CCSER1: variants seen among roughly 807,000 people sequenced by gnomAD.
The protein encoded by CCSER1 is serine-rich coiled-coil domain-containing protein 1.
A neutral mutation model predicts 82.0 loss-of-function variants in CCSER1; 41 were observed. That is an observed-to-expected ratio of 0.50 (90% confidence interval 0.39 to 0.65). The LOEUF (loss-of-function observed/expected upper bound fraction) is 0.65. Among genes scored for constraint, CCSER1 ranks in the 30% least tolerant of loss-of-function variants. The pLI is 0.00. For synonymous variants in CCSER1, 414 were observed against 383.9 expected (o/e 1.08, Z -0.92); for missense variants, 1,119 against 1,064.2 (o/e 1.05, Z -0.72).
At chr4:90,771,370 T>C (rs751786776) in intron 7 of CCSER1, among the ~76,000 whole-genome samples, 3 of 151,788 alleles carry the variant, frequency 2.0e-5, no homozygotes, top group Non-Finnish European at 4.4e-5. Flanking sequence ...GAGGGACCAC[T>C]TTTTAAAATT....
chr4:91,005,944 G>A (rs1246429837), intron 9 of CCSER1, among the ~76,000 whole-genome samples: 3 of 152,096 alleles, frequency 2.0e-5, no homozygotes, highest in Non-Finnish European at 4.4e-5. Context: ...CTGTTTTTAT[G>A]CCAGTATCAT....
At chr4:90,584,189 A>T (rs1306933481) in intron 5 of CCSER1, among the ~76,000 whole-genome samples, 1 of 152,066 alleles carries the variant, frequency 6.6e-6, no homozygotes, top group Non-Finnish European at 1.5e-5. Flanking sequence ...CAAATCATTG[A>T]TCTCAACATA....
At chr4:91,009,744 G>A (rs921207430) in intron 9 of CCSER1, among the ~76,000 whole-genome samples, 6 of 152,000 alleles carry the variant, frequency 3.9e-5, no homozygotes, top group Non-Finnish European at 5.9e-5. Context: ...ATTTTACACT[G>A]ATAACAACTT....
rs56856342 is a variant in CCSER1, at chr4:90,365,482, G to A, written c.1510-34554G>A. 7.9e-3 allele frequency among the ~76,000 whole-genome samples: 1,199 copies of A among 151,712 alleles called. 14 individuals are homozygous for A. Among genetic ancestry groups the A allele is most frequent in the African/African-American group, 0.028 (1,154 of 41,462 alleles). ...GCAGACTTTAAAGATCATAATTTAA[G>A]GAATTCGTGATAATTTTTAAACAAT... On this transcript the variant is annotated intron_variant, in intron 3 of 10. Transcript: ENST00000509176.
chr4:90,468,288 C>T lies in CCSER1; in HGVS notation c.1658C>T (p.Thr553Ile). Residue 553 changes from threonine to isoleucine, a missense_variant, in exon 5 of 11, where the codon ACT (threonine) becomes ATT (isoleucine). By Grantham distance (89) the Thr-to-Ile change is moderately conservative (BLOSUM62 -1). Transcript: ENST00000509176. ...GTCTCATGTGCCGCAGTAGTTCTTA[C>T]TCCTATGGAACCAATGATAGAAATG... ...SVVSCAAVVL[T>I]PMEPMIEMKK... is the part of the protein sequence containing the mutation. 6.2e-7 allele frequency: 1 copy of T among 1,609,094 alleles called. No homozygotes were observed. The highest frequency in any genetic ancestry group is 8.5e-7 in the Non-Finnish European group (1 of 1,176,792).
At chr4:91,219,287 T>C (rs1194924782) in intron 10 of CCSER1, among the ~76,000 whole-genome samples, 1 of 150,044 alleles carries the variant, frequency 6.7e-6, no homozygotes, top group Non-Finnish European at 1.5e-5. Flanking sequence ...TAAAAGTGAA[T>C]AGTCAATATT....
At chr4:90,586,249 C>A (rs1003843891) in intron 5 of CCSER1, among the ~76,000 whole-genome samples, 3 of 151,932 alleles carry the variant, frequency 2.0e-5, no homozygotes, top group African/African-American at 4.8e-5. Flanking sequence ...CTCCATTATA[C>A]CCCCCCACCC....
intron 1 of CCSER1, among the ~76,000 whole-genome samples, chr4:90,247,210 G>T (rs2153438119): frequency 6.6e-6 from 1 of 152,234 alleles, no homozygotes; most frequent in South Asian, 2.1e-4. Flanking sequence ...TTTTTAGATT[G>T]CCATTGGCAG....
At chr4:91,538,550 C>A (rs560192235) in intron 10 of CCSER1, among the ~76,000 whole-genome samples, 1 of 151,644 alleles carries the variant, frequency 6.6e-6, no homozygotes, top group African/African-American at 2.4e-5. Flanking sequence ...TTCAAGACCA[C>A]AGACATAGAG....
chr4:91,225,287 AATATATATGTATATATATTATATATG>A (rs1560528292), intron 10 of CCSER1, among the ~76,000 whole-genome samples: 8 of 42,692 alleles, frequency 1.9e-4, no homozygotes, highest in African/African-American at 1.0e-3. Context: ...TTATATATGT[AATATATATGTATATATATTATATATG>A]TAATATATAT....
In CCSER1 at chr4:91,404,801, T is replaced by G. The variant is rs1316109176; in HGVS notation, c.2218-193771T>G. 2.6e-5 allele frequency among the ~76,000 whole-genome samples: 4 copies of G among 152,130 alleles called. No homozygotes were observed. The East Asian group carries it at 7.7e-4, about 29-fold the overall frequency. On this transcript the variant is annotated intron_variant, in intron 10 of 10. Coordinates refer to ENST00000509176, the MANE Select transcript of CCSER1 (RefSeq NM_001145065.2). Reference sequence around the variant, plus strand: ...CTGTTCTTTTACATTTGCTGAGGAGTGCTTTACTTCCTACTATGTGGTCAA... The same window carrying G: ...CTGTTCTTTTACATTTGCTGAGGAGGGCTTTACTTCCTACTATGTGGTCAA...
chr4:91,306,390 A>G (rs1189295151), intron 10 of CCSER1, among the ~76,000 whole-genome samples: 1 of 152,072 alleles, frequency 6.6e-6, no homozygotes, highest in East Asian at 1.9e-4. Flanking sequence ...TGAAAAAAAT[A>G]TAAAGAATTA....
intron 1 of CCSER1, among the ~76,000 whole-genome samples, chr4:90,283,723 C>T (rs1204727233): frequency 1.3e-5 from 2 of 151,998 alleles, no homozygotes; most frequent in African/African-American, 4.8e-5. Context: ...TCTATCCATT[C>T]ATATGTTGAT....
At chr4:90,844,093 CTGTT>C (rs957389221) in intron 8 of CCSER1, among the ~76,000 whole-genome samples, 16 of 150,286 alleles carry the variant, frequency 1.1e-4, no homozygotes, top group African/African-American at 2.9e-4. Flanking sequence ...TCTCCTTCCT[CTGTT>C]TGTGTGTGTG....
At chr4:91,152,056 C>T (rs565353498) in intron 10 of CCSER1, among the ~76,000 whole-genome samples, 2 of 152,248 alleles carry the variant, frequency 1.3e-5, no homozygotes, top group African/African-American at 2.4e-5. Context: ...GTTGATCTGT[C>T]TCATGTTGAC....
chr4:90,288,625 A>AG (rs1319550434), intron 1 of CCSER1, among the ~76,000 whole-genome samples: 1 of 151,944 alleles, frequency 6.6e-6, no homozygotes, highest in East Asian at 1.9e-4. Flanking sequence ...GTGCTAGAAG[A>AG]GTGGTATTCA....
At chr4:90,510,196 A>G (rs1416967360) in intron 5 of CCSER1, among the ~76,000 whole-genome samples, 1 of 152,220 alleles carries the variant, frequency 6.6e-6, no homozygotes, top group East Asian at 1.9e-4. Flanking sequence ...TCCATTACCA[A>G]TAACGTCATG....
intron 10 of CCSER1, among the ~76,000 whole-genome samples, chr4:91,374,241 T>C (rs955833645): frequency 2.0e-5 from 3 of 152,158 alleles, no homozygotes; most frequent in African/African-American, 4.8e-5. Context: ...CAGGTTTGTA[T>C]TGGAAGAAGA....
intron 10 of CCSER1, among the ~76,000 whole-genome samples, chr4:91,492,742 C>T (rs1330027121): frequency 5.9e-5 from 9 of 152,030 alleles, no homozygotes; most frequent in Non-Finnish European, 1.2e-4. Flanking sequence ...GAATAATTTT[C>T]TGACTGAGGG....
Sources: gnomAD v4.1 joint callset for allele counts (sites outside exome capture counted in the v4.1 genomes callset) on GRCh38, gnomAD v4.1.1 for gene constraint, MANE v1.5 for transcripts, NCBI Gene and HGNC (gene_info 2026-07-23, HGNC 2026-07-21) for gene names.